Variants in LEKR1 observed in about 807,000 individuals in gnomAD.
LEKR1 encodes leucine, glutamate and lysine rich 1.
In LEKR1, 59 loss-of-function variants were observed where a neutral mutation model predicts 72.4. The ratio of observed to expected loss-of-function variants is 0.82; its 90% CI spans 0.66 to 1.01. LEKR1 has a LOEUF of 1.01. Ranked by LOEUF, LEKR1 falls within the 50% of genes least tolerant of loss-of-function variation. The pLI is 0.00. For missense variants in LEKR1, 728 were observed against 759.2 expected (o/e 0.96, Z 0.48); for synonymous variants, 257 against 263.2 (o/e 0.98, Z 0.23).
At chr3:157,007,204 A>C (rs1020414193) in intron 9 of LEKR1, among the ~76,000 whole-genome samples, 1 of 151,184 alleles carries the variant, frequency 6.6e-6, no homozygotes, top group Non-Finnish European at 1.5e-5. Flanking sequence ...CTGTCTCAAA[A>C]ATAATAATAA....
chr3:156,919,114 CTTT>C (rs1560079619), intron 3 of LEKR1, among the ~76,000 whole-genome samples: 1 of 152,204 alleles, frequency 6.6e-6, no homozygotes, highest in Non-Finnish European at 1.5e-5. Context: ...TGTCCTTGTT[CTTT>C]GGCTTGCAAA....
At chr3:157,003,139 G>A (rs75823055) in intron 9 of LEKR1, among the ~76,000 whole-genome samples, 2,857 of 152,218 alleles carry the variant, frequency 0.019, 67 homozygotes, top group East Asian at 0.1. Flanking sequence ...CCTAATTTAA[G>A]AAATTAAGCA....
intron 3 of LEKR1, among the ~76,000 whole-genome samples, chr3:156,896,813 T>TAAA (rs1721233269): frequency 6.6e-6 from 1 of 152,072 alleles, no homozygotes; most frequent in Non-Finnish European, 1.5e-5. Context: ...CCATCAGCAG[T>TAAA]GGAATGCATA....
At chr3:156,855,104 T>C (rs1346537983) in intron 3 of LEKR1, among the ~76,000 whole-genome samples, 1 of 152,222 alleles carries the variant, frequency 6.6e-6, no homozygotes, top group Non-Finnish European at 1.5e-5. Context: ...ATTTTTGTTA[T>C]TACATGTAGT....
intron 2 of LEKR1, among the ~76,000 whole-genome samples, chr3:156,841,498 G>A (rs1713902060): frequency 1.3e-5 from 2 of 152,148 alleles, no homozygotes; most frequent in Admixed American, 1.3e-4. Context: ...CAGAGAAGTG[G>A]GGACACCAAA....
At chr3:156,840,584 G>A (rs1228585182) in intron 2 of LEKR1, among the ~76,000 whole-genome samples, 1 of 152,152 alleles carries the variant, frequency 6.6e-6, no homozygotes, top group African/African-American at 2.4e-5. Flanking sequence ...AAAATTTGCA[G>A]TCAGCTCTCA....
chr3:156,985,220 G>A (rs1010394868), intron 7 of LEKR1, among the ~76,000 whole-genome samples: 15 of 152,074 alleles, frequency 9.9e-5, no homozygotes, highest in African/African-American at 2.9e-4. Flanking sequence ...GCTAAGTGCC[G>A]CAAAAATATA....
At chr3:156,906,811 T>C (rs753034674) in intron 3 of LEKR1, among the ~76,000 whole-genome samples, 5 of 152,172 alleles carry the variant, frequency 3.3e-5, no homozygotes, top group Non-Finnish European at 5.9e-5. Flanking sequence ...TGGATAAATA[T>C]ATACTAAAGA....
intron 3 of LEKR1, among the ~76,000 whole-genome samples, chr3:156,907,628 C>T (rs1031163559): frequency 1.6e-4 from 24 of 151,940 alleles, no homozygotes; most frequent in African/African-American, 4.8e-4. Context: ...ACTCATTGTA[C>T]GTGCCCAAGT....
chr3:157,023,745 A>T lies in LEKR1; in HGVS notation c.1204-1015A>T, dbSNP rs568599764. Among the ~76,000 whole-genome samples the T allele has an allele frequency of 2.0e-5, 3 of 152,156 alleles. No homozygotes were observed. In the South Asian group the frequency reaches 6.2e-4, roughly 32 times the overall value. On this transcript the variant is annotated intron_variant, in intron 10 of 12. Transcript: ENST00000356539. ...AGGATTTAAACTCAACTTCATCTGC[A>T]TCTAGAGTTCTTGCTTATTCTTTCC...
chr3:156,928,337 C>G (rs1223376702), intron 5 of LEKR1, among the ~76,000 whole-genome samples: 2 of 152,004 alleles, frequency 1.3e-5, no homozygotes, highest in African/African-American at 2.4e-5. Context: ...GTAACAAGTA[C>G]TACTCTCCCA....
intron 8 of LEKR1, 118 bp from the exon 9 acceptor site, chr3:156,992,956 A>AT: frequency 1.7e-6 from 1 of 582,750 alleles, no homozygotes; most frequent in Admixed American, 3.7e-5. Flanking sequence ...AAAATTTTTA[A>AT]TTTTTTAAAG....
At chr3:156,979,470 T>C in intron 7 of LEKR1, 195 bp downstream of exon 7, 1 of 231,742 alleles carries the variant, frequency 4.3e-6, no homozygotes, top group Non-Finnish European at 8.8e-6. Context: ...AGATTATATA[T>C]TGAAGAACCT....
chr3:156,895,035 A>G (rs1391974902), intron 3 of LEKR1, among the ~76,000 whole-genome samples: 1 of 152,212 alleles, frequency 6.6e-6, no homozygotes, highest in Non-Finnish European at 1.5e-5. Context: ...AAATTTGATA[A>G]ATGGAATCTA....
At chr3:156,839,822 C>T (rs566596907) in intron 2 of LEKR1, among the ~76,000 whole-genome samples, 1 of 152,218 alleles carries the variant, frequency 6.6e-6, no homozygotes, top group East Asian at 1.9e-4. Context: ...CTAAAGCAAA[C>T]GTTGGAAGAA....
At chr3:156,955,326 A>G (rs1039190030) in intron 6 of LEKR1, among the ~76,000 whole-genome samples, 1 of 151,974 alleles carries the variant, frequency 6.6e-6, no homozygotes, top group African/African-American at 2.4e-5. Context: ...TCCTATTTGG[A>G]TATCCTTTAT....
intron 12 of LEKR1, among the ~76,000 whole-genome samples, chr3:157,030,118 G>C (rs187229822): frequency 8.1e-4 from 123 of 152,292 alleles, no homozygotes; most frequent in African/African-American, 2.8e-3. Context: ...AGGTGAAGGA[G>C]AAGCCAGTGC....
intron 10 of LEKR1, among the ~76,000 whole-genome samples, chr3:157,019,064 A>G (rs912018391): frequency 6.6e-6 from 1 of 152,204 alleles, no homozygotes; most frequent in Non-Finnish European, 1.5e-5. Flanking sequence ...TGCAATCAGT[A>G]TTCATTTTTA....
At chr3:157,012,039 T>C (rs1732934188) in intron 10 of LEKR1, among the ~76,000 whole-genome samples, 1 of 152,118 alleles carries the variant, frequency 6.6e-6, no homozygotes, top group African/African-American at 2.4e-5. Flanking sequence ...TTTGGACTTT[T>C]TTATAGTTTT....
Sources: allele counts gnomAD v4.1 joint callset (sites outside exome capture counted in the v4.1 genomes callset), GRCh38; gene constraint gnomAD v4.1.1; transcripts MANE v1.5; gene names NCBI Gene and HGNC (gene_info 2026-07-23, HGNC 2026-07-21).